The following GRPR variants were observed in gnomAD, a reference collection of about 807,000 sequenced individuals.
GRPR encodes gastrin releasing peptide receptor, also known as gastrin-releasing peptide receptor.
In GRPR, 4 loss-of-function variants were observed where a neutral mutation model predicts 15.6. The ratio of observed to expected loss-of-function variants is 0.26; its 90% CI spans 0.13 to 0.59. GRPR has a LOEUF of 0.59. Among genes scored for constraint, GRPR ranks in the 20% least tolerant of loss-of-function variants. GRPR has a pLI of 0.90. For synonymous variants in GRPR, 128 were observed against 126.8 expected (o/e 1.01, Z -0.06); for missense variants, 270 against 304.1 (o/e 0.89, Z 0.83).
rs757811491 is a variant in GRPR at position 16,124,135 on chromosome X, T to C, written c.182T>C (p.Leu61Ser). The C allele has an allele frequency of 1.7e-6, 2 of 1,208,866 alleles. No individual in the cohort carries two copies. Among genetic ancestry groups the C allele is most frequent in the Non-Finnish European group, 2.2e-6 (2 of 892,714 alleles). The change falls in exon 1 of 3, where the codon TTG becomes TCG. Residue 61 changes from leucine to serine, a missense_variant. Around this residue, in one of 3 missense-constraint regions of GRPR, gnomAD observed 115 missense variants for 128.8 expected, o/e 0.89. Coordinates refer to ENST00000380289, the MANE Select transcript of GRPR (RefSeq NM_005314.3). ...ILIGLIGNIT[L>S]IKIFCTVKSM... ...ATAGGCCTCATTGGCAACATCACTT[T>C]GATCAAGATCTTCTGTACAGTCAAG...
intron 1 of GRPR, among the ~76,000 whole-genome samples, chrX:16,132,636 G>T (rs1438871626): frequency 9.0e-6 from 1 of 111,267 alleles, no homozygotes; most frequent in Non-Finnish European, 1.9e-5. Flanking sequence ...CTTCTAGCAT[G>T]GTTGATTAAA....
chrX:16,130,527 T>C (rs776743458), intron 1 of GRPR, among the ~76,000 whole-genome samples: 8 of 112,448 alleles, frequency 7.1e-5, no homozygotes, highest in African/African-American at 9.7e-5. Flanking sequence ...CATTTCCCTT[T>C]TCTGGACAGT....
At chrX:16,128,217 TTAAAAA>T (rs1922322397) in intron 1 of GRPR, among the ~76,000 whole-genome samples, 1 of 112,648 alleles carries the variant, frequency 8.9e-6, no homozygotes, top group African/African-American at 3.2e-5. Context: ...AAGCATACTC[TTAAAAA>T]TAATGTATTG....
At chrX:16,148,362 C>T (rs1055529315) in intron 1 of GRPR, among the ~76,000 whole-genome samples, 5 of 111,503 alleles carry the variant, frequency 4.5e-5, no homozygotes. Context: ...CAACCATAAT[C>T]CTCCCTGAGC....
intron 1 of GRPR, among the ~76,000 whole-genome samples, chrX:16,128,608 A>C (rs1222599748): frequency 8.9e-6 from 1 of 112,119 alleles, no homozygotes; most frequent in Non-Finnish European, 1.9e-5. Context: ...GGTAAATGAA[A>C]GAAAAACTAT....
chrX:16,123,741 G>T lies in GRPR; in HGVS notation c.-213G>T, dbSNP rs1433985265. The T allele has an allele frequency of 2.2e-6, 1 of 454,505 alleles. No homozygotes were observed. Among genetic ancestry groups the T allele is most frequent in the African/African-American group, 2.4e-5 (1 of 40,997 alleles). 37.5% of individuals were successfully genotyped at this position (454,505 alleles called of 1,213,427 possible). A position where few individuals can be genotyped will look rare whatever the true frequency, so the allele number is the denominator to read the frequency against. ...AACTTATTGAATTTAGAGTTGTATT[G>T]CACTGGTCATGTGAAAGCCAGAGCA... On this transcript the variant is annotated 5_prime_UTR_variant, in exon 1 of 3. Coordinates refer to ENST00000380289, the MANE Select transcript of GRPR (RefSeq NM_005314.3).
At chrX:16,127,195 T>A (rs1282494230) in intron 1 of GRPR, among the ~76,000 whole-genome samples, 1 of 111,644 alleles carries the variant, frequency 9.0e-6, no homozygotes. Context: ...TAACCATCCA[T>A]CCCTGCCCCC....
At chrX:16,129,868 C>T (rs1922351657) in intron 1 of GRPR, among the ~76,000 whole-genome samples, 1 of 111,356 alleles carries the variant, frequency 9.0e-6, no homozygotes, top group South Asian at 3.8e-4. Context: ...TTTATATCCC[C>T]CTGTCCCAAG....
chrX:16,152,736 A>C lies in GRPR; in HGVS notation c.*91A>C. 1 of 802,134 alleles carries C rather than the reference A, an allele frequency of 1.2e-6. No homozygotes were observed. The highest frequency in any genetic ancestry group is 1.9e-6 in the Non-Finnish European group (1 of 527,490). 66.1% of individuals were successfully genotyped at this position (802,134 alleles called of 1,213,427 possible). A position where few individuals can be genotyped will look rare whatever the true frequency, so the allele number is the denominator to read the frequency against. ...CCATTGTTGTGTCTGTGCCCTCCAAAGAGCCTTCAGAATGCTCCTGAGTGG... is the reference window on the plus strand; with the variant it reads ...CCATTGTTGTGTCTGTGCCCTCCAACGAGCCTTCAGAATGCTCCTGAGTGG... On this transcript the variant is annotated 3_prime_UTR_variant, in exon 3 of 3. Coordinates refer to ENST00000380289, the MANE Select transcript of GRPR (RefSeq NM_005314.3).
rs1208000782 is a variant in GRPR at position 16,123,975 on chromosome X, C to G, written c.22C>G (p.Leu8Val). MALNDCF[L>V]LNLEVDHFMH... Reference sequence around the variant, plus strand: ...AGAGATGGCTCTAAATGACTGTTTCCTTCTGAACTTGGAGGTGGACCATTT... The same window carrying G: ...AGAGATGGCTCTAAATGACTGTTTCGTTCTGAACTTGGAGGTGGACCATTT... Residue 8 changes from leucine (L) to valine (V), a missense_variant, in exon 1 of 3, where the codon CTT (leucine) becomes GTT (valine). Leu to Val is a conservative substitution (Grantham distance 32, BLOSUM62 1). Transcript: ENST00000380289. The G allele has an allele frequency of 8.3e-7, 1 of 1,207,798 alleles. No individual in the cohort carries two copies. The highest frequency in any genetic ancestry group is 1.1e-6 in the Non-Finnish European group (1 of 893,592).
chrX:16,143,933 G>T (rs1053377788), intron 1 of GRPR, among the ~76,000 whole-genome samples: 1 of 112,147 alleles, frequency 8.9e-6, no homozygotes, highest in Non-Finnish European at 1.9e-5. Flanking sequence ...GAATACTGAA[G>T]TGCAGAGTCC....
At chrX:16,143,657 A>G (rs973390824) in intron 1 of GRPR, among the ~76,000 whole-genome samples, 1 of 111,858 alleles carries the variant, frequency 8.9e-6, no homozygotes, top group African/African-American at 3.3e-5. Flanking sequence ...GATGTTGTCA[A>G]TATTACTTGA....
chrX:16,127,067 C>T (rs1185112980), intron 1 of GRPR, among the ~76,000 whole-genome samples: 1 of 110,919 alleles, frequency 9.0e-6, no homozygotes, highest in Non-Finnish European at 1.9e-5. Flanking sequence ...ACTAGAAGAC[C>T]CTCCAAACCA....
chrX:16,145,818 A>G (rs1214409932), intron 1 of GRPR, among the ~76,000 whole-genome samples: 1 of 109,862 alleles, frequency 9.1e-6, no homozygotes, highest in African/African-American at 3.5e-5. Flanking sequence ...AAGAAGAAAG[A>G]AAAGACATAC....
intron 1 of GRPR, among the ~76,000 whole-genome samples, chrX:16,149,743 A>G (rs1922664565): frequency 9.0e-6 from 1 of 110,733 alleles, no homozygotes; most frequent in South Asian, 3.8e-4. Context: ...AAGAAGAAAA[A>G]CAAAGGGAAA....
intron 1 of GRPR, among the ~76,000 whole-genome samples, chrX:16,141,144 A>G (rs1922525818): frequency 8.9e-6 from 1 of 112,224 alleles, no homozygotes; most frequent in Non-Finnish European, 1.9e-5. Flanking sequence ...ATGGATTACT[A>G]CTTTCCTTTG....
chrX:16,125,093 A>G (rs1922269676), intron 1 of GRPR, among the ~76,000 whole-genome samples: 1 of 112,389 alleles, frequency 8.9e-6, no homozygotes, highest in African/African-American at 3.2e-5. Flanking sequence ...GGAGTTCACT[A>G]CAGTTTTTTA....
At chrX:16,140,449 A>G (rs759998448) in intron 1 of GRPR, among the ~76,000 whole-genome samples, 1 of 111,751 alleles carries the variant, frequency 8.9e-6, no homozygotes, top group Non-Finnish European at 1.9e-5. Context: ...AAAAATGTAC[A>G]TAGTGAGGGT....
chrX:16,133,954 A>G (rs1922413082), intron 1 of GRPR, among the ~76,000 whole-genome samples: 1 of 111,465 alleles, frequency 9.0e-6, no homozygotes, highest in Non-Finnish European at 1.9e-5. Context: ...TATTGCTTCT[A>G]TCTCATTATC....
Sources: gnomAD v4.1 joint callset for allele counts (sites outside exome capture counted in the v4.1 genomes callset) on GRCh38, gnomAD v4.1.1 for gene constraint, gnomAD v4.1.1 regional missense constraint, MANE v1.5 for transcripts, NCBI Gene and HGNC (gene_info 2026-07-23, HGNC 2026-07-21) for gene names.